RIBC2: variants seen among roughly 807,000 people sequenced by gnomAD.
RIBC2 encodes the protein RIB43A domain with coiled-coils 2.
In RIBC2, 40 loss-of-function variants were observed where a neutral mutation model predicts 44.3. The ratio of observed to expected loss-of-function variants is 0.90; its 90% CI spans 0.70 to 1.18. The LOEUF is 1.18. Among genes scored for constraint, RIBC2 ranks in the 50% most tolerant of loss-of-function variants. The probability of loss-of-function intolerance (pLI) is 0.00; values close to 1 mark genes in which losing one functional copy is unlikely to be tolerated. For missense variants in RIBC2, 459 were observed against 485.5 expected (o/e 0.95, Z 0.51); for synonymous variants, 171 against 175.0 (o/e 0.98, Z 0.18).
intron 3 of RIBC2, 32 bp downstream of exon 3, chr22:45,417,978 A>G (rs1266693542): frequency 4.1e-6 from 6 of 1,464,576 alleles, no homozygotes; most frequent in Admixed American, 2.3e-5. Context: ...GCTGGTCTCA[A>G]CGCTCTCTTC....
rs543664493 is a variant in RIBC2 at position 45,429,490 on chromosome 22, G to A, written c.904-1410G>A. Among the ~76,000 whole-genome samples, 243 of 152,242 alleles carry A rather than the reference G, an allele frequency of 1.6e-3. 1 individual carries two copies. The highest frequency in any genetic ancestry group is 5.4e-3 in the African/African-American group (225 of 41,532). On this transcript the variant is annotated intron_variant, in intron 5 of 6. Transcript: ENST00000614167. ...ATAGTTGGTGTAAGCTTCTGATCTGGTGGGTCTGGGGAGGAGGAGGGACAG... is the reference window on the plus strand; with the variant it reads ...ATAGTTGGTGTAAGCTTCTGATCTGATGGGTCTGGGGAGGAGGAGGGACAG...
chr22:45,428,436 G>A (rs533337480), intron 5 of RIBC2, among the ~76,000 whole-genome samples: 7 of 152,216 alleles, frequency 4.6e-5, no homozygotes, highest in African/African-American at 1.4e-4. Context: ...TGATGCAGTA[G>A]AGGGGGAAAT....
In RIBC2 at chr22:45,426,088, C is replaced by T. The variant is rs147671381; in HGVS notation, c.816C>T (p.Arg272=). The T allele has an allele frequency of 2.5e-5, 41 of 1,613,926 alleles. No homozygotes were observed. The East Asian group carries it at 5.8e-4, about 23-fold the overall frequency. ...CAGCCAGCTCCTTCGGGCCCCACCGCGTGGTCCCTGACCGCTGGAAGGGCA... is the reference window on the plus strand; with the variant it reads ...CAGCCAGCTCCTTCGGGCCCCACCGTGTGGTCCCTGACCGCTGGAAGGGCA... The part of the protein sequence containing the change: ...QQAASSFGPH[R]VVPDRWKGMT... The change falls in exon 5 of 7, where the codon CGC becomes CGT. Residue 272 remains arginine (R), a synonymous_variant. Coordinates refer to ENST00000614167, the MANE Select transcript of RIBC2 (RefSeq NM_015653.5).
rs2087436897 is a variant in RIBC2, at chr22:45,417,584, A to G, written c.212-18A>G. 2 of 1,563,216 alleles carry G rather than the reference A, an allele frequency of 1.3e-6. No individual in the cohort carries two copies. Among genetic ancestry groups the G allele is most frequent in the Non-Finnish European group, 8.8e-7 (1 of 1,136,942 alleles). ...TCCTCTGAATCCTAAGCTTATGGATATGCTGTATCTCTTCCAGCTGCTGAA... is the reference window on the plus strand; with the variant it reads ...TCCTCTGAATCCTAAGCTTATGGATGTGCTGTATCTCTTCCAGCTGCTGAA... On this transcript the variant is annotated intron_variant, in intron 2 of 6. Transcript: ENST00000614167.
At chr22:45,422,892 C>T (rs1483974375) in intron 4 of RIBC2, among the ~76,000 whole-genome samples, 9 of 152,016 alleles carry the variant, frequency 5.9e-5, no homozygotes, top group Non-Finnish European at 7.4e-5. Flanking sequence ...CCTCTCTAAA[C>T]TCTGGCCCCC....
rs116952022 is a variant in RIBC2, at chr22:45,428,266, G to A, written c.903+2091G>A. On this transcript the variant is annotated intron_variant, in intron 5 of 6. Coordinates refer to ENST00000614167, the MANE Select transcript of RIBC2 (RefSeq NM_015653.5). ...AATGGGCTCAAGAGAGAACAGGCAG[G>A]AAACGAATGGAGATGGCACATGCAG... Among the ~76,000 whole-genome samples the A allele has an allele frequency of 4.6e-3, 704 of 152,360 alleles. 4 individuals carry two copies. Among genetic ancestry groups the A allele is most frequent in the Middle Eastern group, 0.017 (5 of 294 alleles).
chr22:45,418,712 C>T (rs1055729585), intron 3 of RIBC2, among the ~76,000 whole-genome samples: 5 of 152,070 alleles, frequency 3.3e-5, no homozygotes, highest in African/African-American at 9.7e-5. Context: ...CCTTCTTGAG[C>T]GCCTCCTCTC....
In RIBC2 at chr22:45,413,976, G is replaced by A. The variant is rs749261298; in HGVS notation, c.90G>A (p.Arg30=). ...LAKRRHAELC[R]QKRVFNARNR... is the part of the protein sequence containing the mutation. ...AGAGGAGGCACGCGGAGCTGTGCAG[G>A]CAGAAGCGGGTCTTCAACGCCAGAA... Residue 30 remains arginine, a synonymous_variant, in exon 1 of 7, where the codon AGG becomes AGA. Coordinates refer to ENST00000614167, the MANE Select transcript of RIBC2 (RefSeq NM_015653.5). The A allele has an allele frequency of 2.6e-6, 4 of 1,551,754 alleles. No homozygotes were observed. In the South Asian group the frequency reaches 3.6e-5, roughly 14 times the overall value.
At chr22:45,424,216 A>G (rs932870835) in intron 4 of RIBC2, among the ~76,000 whole-genome samples, 1 of 152,084 alleles carries the variant, frequency 6.6e-6, no homozygotes, top group African/African-American at 2.4e-5. Context: ...GCTACTAACT[A>G]CAACTAGGCT....
intron 6 of RIBC2, among the ~76,000 whole-genome samples, chr22:45,431,391 C>T (rs1337552455): frequency 6.6e-6 from 1 of 152,098 alleles, no homozygotes; most frequent in Admixed American, 6.6e-5. Context: ...TATTCAGGGA[C>T]GGCTTTCCAG....
At position 45,417,926 on chromosome 22, in the gene RIBC2, G is replaced by T. The variant is rs752209228; in HGVS notation, c.536G>T (p.Arg179Leu). The T allele has an allele frequency of 6.2e-7, 1 of 1,603,276 alleles. No individual in the cohort carries two copies. Residue 179 changes from arginine (R) to leucine (L), a missense_variant, in exon 3 of 7, where the codon CGT becomes CTT. Arg to Leu is a moderately radical substitution (Grantham distance 102). Coordinates refer to ENST00000614167, the MANE Select transcript of RIBC2 (RefSeq NM_015653.5). ...LQQQREWKNA[R>L]AEQKCAEALY... ...CAGCAAAGGGAATGGAAGAACGCCC[G>T]TGCTGAACAAAAATGCGCAGGTAAT... is the stretch of plus-strand genomic sequence containing the variant.
intron 3 of RIBC2, among the ~76,000 whole-genome samples, chr22:45,421,565 TTAA>T (rs1300290447): frequency 5.1e-5 from 6 of 116,874 alleles, no homozygotes; most frequent in Non-Finnish European, 6.9e-5. Flanking sequence ...AATAGTATTA[TTAA>T]TAATAGTATT....
At chr22:45,418,841 C>T (rs770697293) in intron 3 of RIBC2, among the ~76,000 whole-genome samples, 1 of 152,112 alleles carries the variant, frequency 6.6e-6, no homozygotes, top group Non-Finnish European at 1.5e-5. Context: ...TTCTCCCACT[C>T]CTACCAGATT....
At position 45,428,051 on chromosome 22, in the gene RIBC2, G is replaced by T. The variant is rs1044052937; in HGVS notation, c.903+1876G>T. On this transcript the variant is annotated intron_variant, in intron 5 of 6. Coordinates refer to ENST00000614167, the MANE Select transcript of RIBC2 (RefSeq NM_015653.5). ...CATCTGAGAAGGGGCCGCCAGGGAG[G>T]TGGACAGATGCAAGCCGTGGTTTCC... Among the ~76,000 whole-genome samples the T allele has an allele frequency of 2.0e-5, 3 of 152,240 alleles. No homozygotes were observed. The South Asian group carries it at 6.2e-4, about 31-fold the overall frequency.
intron 5 of RIBC2, among the ~76,000 whole-genome samples, chr22:45,429,899 G>C (rs965544555): frequency 2.0e-5 from 3 of 152,162 alleles, no homozygotes; most frequent in African/African-American, 7.2e-5. Context: ...CTGGGTCCTT[G>C]CCTCCATCCC....
chr22:45,414,624 GCCACGGTAC>G (rs998547704), intron 2 of RIBC2, among the ~76,000 whole-genome samples: 11 of 152,102 alleles, frequency 7.2e-5, no homozygotes, highest in African/African-American at 2.7e-4. Context: ...ACAGGCATGA[GCCACGGTAC>G]CCAGCCCTCC....
chr22:45,429,059 A>G (rs1212895793), intron 5 of RIBC2, among the ~76,000 whole-genome samples: 3 of 152,218 alleles, frequency 2.0e-5, no homozygotes, highest in African/African-American at 7.2e-5. Context: ...TGCGGGGGGC[A>G]TAATCATTGG....
Position 45,417,754 on chromosome 22 carries a change from G to A in RIBC2, c.364G>A (p.Ala122Thr). The A allele has an allele frequency of 1.9e-6, 3 of 1,614,096 alleles. No homozygotes were observed. In the South Asian group the frequency reaches 3.3e-5, roughly 18 times the overall value. ...RREFDLSDPL[A>T]LKKDLPARQS... ...TGAATTTGATCTGTCCGACCCCCTA[G>A]CCCTTAAGAAAGATCTTCCAGCCCG... The change falls in exon 3 of 7, where the codon GCC (alanine) becomes ACC (threonine). Residue 122 changes from alanine (A) to threonine (T), a missense_variant. Coordinates refer to ENST00000614167, the MANE Select transcript of RIBC2 (RefSeq NM_015653.5).
intron 2 of RIBC2, 50 bp from the exon 3 acceptor site, chr22:45,417,552 T>A: frequency 7.5e-7 from 1 of 1,330,026 alleles, no homozygotes; most frequent in Non-Finnish European, 1.0e-6. Flanking sequence ...GATTCAAATT[T>A]ATTTTTTCCT....
Sources: allele counts gnomAD v4.1 joint callset (sites outside exome capture counted in the v4.1 genomes callset), GRCh38; gene constraint gnomAD v4.1.1; transcripts MANE v1.5; gene names NCBI Gene and HGNC (gene_info 2026-07-23, HGNC 2026-07-21).